Variants in MYCBP2 observed in about 807,000 individuals in gnomAD.
MYCBP2 encodes the protein E3 ubiquitin-protein ligase MYCBP2.
MYCBP2 carries 120 observed loss-of-function variants against 525.3 expected under a neutral mutation model. That is an observed-to-expected ratio of 0.23 (90% CI 0.20 to 0.27). The LOEUF is 0.27. MYCBP2 is among the 10% of genes least tolerant of loss of function. The pLI, the probability that MYCBP2 is intolerant of heterozygous loss-of-function variation, is 1.00. For missense variants in MYCBP2, 4,149 were observed against 5,657.1 expected, an observed-to-expected ratio of 0.73 and a Z score of 8.55; for synonymous variants, 1,894 against 1,955.8, an observed-to-expected ratio of 0.97 and a Z score of 0.83.
chr13:77,211,327 A>G lies in MYCBP2; in HGVS notation c.3263-7T>C, dbSNP rs767649143. 5.9e-6 allele frequency: 8 copies of G among 1,350,864 alleles called. No individual in the cohort carries two copies. In the Admixed American group the frequency reaches 2.0e-4, roughly 33 times the overall value. 83.7% of individuals were successfully genotyped at this position (1,350,864 alleles called of 1,614,324 possible). Reference sequence around the variant, plus strand: ...ATAGAAGCAGGTACCAAGCCTTAAGAAAAAAATATTTATATATAATTTTAA... The same window carrying G: ...ATAGAAGCAGGTACCAAGCCTTAAGGAAAAAATATTTATATATAATTTTAA... On this transcript the variant is annotated splice_region_variant and splice_polypyrimidine_tract_variant and intron_variant, in intron 22 of 82. Transcript: ENST00000544440.
intron 55 of MYCBP2, among the ~76,000 whole-genome samples, chr13:77,114,365 T>C (rs760512271): frequency 6.6e-6 from 1 of 152,044 alleles, no homozygotes; most frequent in Non-Finnish European, 1.5e-5. Context: ...AAAGATAACA[T>C]TTATTGGGAA....
chr13:77,155,962 G>C, intron 46 of MYCBP2, 96 bp downstream of exon 46: 1 of 1,201,518 alleles, frequency 8.3e-7, no homozygotes, highest in Non-Finnish European at 1.2e-6. Flanking sequence ...AAAGAGGGTA[G>C]AACAAATGGA....
chr13:77,194,091 T>G (rs1314432513), intron 27 of MYCBP2, 62 bp downstream of exon 27: 1 of 1,044,172 alleles, frequency 9.6e-7, no homozygotes, highest in Non-Finnish European at 1.4e-6. Context: ...TTTATTCATT[T>G]ATAATAAATT....
Position 77,206,695 on chromosome 13 carries a change from T to G in MYCBP2, c.3547A>C (p.Arg1183=). The G allele has an allele frequency of 6.2e-7, 1 of 1,610,076 alleles. No individual in the cohort carries two copies. Among genetic ancestry groups the G allele is most frequent in the Non-Finnish European group, 8.5e-7 (1 of 1,177,928 alleles). The part of the protein sequence containing the change: ...SPELALPTGS[R]ALTTRSHAAL... ...GCATGAGATCGGGTAGTGAGGGCCC[T>G]TGATCCTGTTGGTAAGGCAAGTTCA... Residue 1183 remains arginine, a synonymous_variant, in exon 24 of 83, where the codon AGG becomes CGG. Coordinates refer to ENST00000544440, the MANE Select transcript of MYCBP2 (RefSeq NM_015057.5).
chr13:77,051,107 G>C lies in MYCBP2; in HGVS notation c.13811C>G (p.Ser4604Ter). ...FLEYKCRYCC[S>*]VAVFFCFGTT... ...TCCAAAACAGAAAAAAACAGCCACTGAACAGCAGTAGCGACATTTATATTC... is the reference window on the plus strand; with the variant it reads ...TCCAAAACAGAAAAAAACAGCCACTCAACAGCAGTAGCGACATTTATATTC... Residue 4604 changes from serine (S) to a stop codon, truncating the protein, a stop_gained, in exon 82 of 83, where the codon TCA becomes TGA. Transcript: ENST00000544440. LOFTEE classifies it high-confidence loss of function. 1 of 1,613,390 alleles carries C rather than the reference G, an allele frequency of 6.2e-7. No homozygotes were observed. Among genetic ancestry groups the C allele is most frequent in the East Asian group, 2.2e-5 (1 of 44,848 alleles).
intron 13 of MYCBP2, among the ~76,000 whole-genome samples, chr13:77,258,665 A>C (rs890336067): frequency 2.6e-5 from 4 of 152,124 alleles, no homozygotes; most frequent in African/African-American, 9.7e-5. Flanking sequence ...ATACCTCAAA[A>C]ATTTCCACTT....
At chr13:77,217,233 C>G (rs2064948614) in intron 21 of MYCBP2, among the ~76,000 whole-genome samples, 2 of 152,266 alleles carry the variant, frequency 1.3e-5, no homozygotes, top group South Asian at 4.1e-4. Context: ...TTATCCACAT[C>G]TGAAATGGTA....
In MYCBP2 at chr13:77,327,039, GCCGCCACCACCGCTACCA is replaced by G. The variant is rs953324205; in HGVS notation, c.-282_-265del. ...AGGAGGAGGCGGTGCCGCCACTGCC[GCCGCCACCACCGCTACCA>G]CCGCCACCACCGCCGGGGCTACCCG... On this transcript the variant is annotated 5_prime_UTR_variant, in exon 1 of 83. Transcript: ENST00000544440. 12 of 437,732 alleles carry G rather than the reference GCCGCCACCACCGCTACCA, an allele frequency of 2.7e-5. No homozygotes were observed. Among genetic ancestry groups the G allele is most frequent in the Admixed American group, 8.8e-5 (2 of 22,848 alleles). 27.1% of individuals were successfully genotyped at this position (437,732 alleles called of 1,614,324 possible). A position where few individuals can be genotyped will look rare whatever the true frequency, so the allele number is the denominator to read the frequency against.
At position 77,326,063 on chromosome 13, in the gene MYCBP2, G is replaced by A. The variant is rs2082252373; in HGVS notation, c.302+411C>T. On this transcript the variant is annotated intron_variant, in intron 1 of 82. Coordinates refer to ENST00000544440, the MANE Select transcript of MYCBP2 (RefSeq NM_015057.5). The surrounding 1 kb of genome is among the most constrained non-coding windows in gnomAD (Gnocchi z 4.2). ...ACATTGCGGCAGAGACACTGAAAAC[G>A]CCACTTCCCTTGCCACTGTTGCAAT... Among the ~76,000 whole-genome samples the A allele has an allele frequency of 6.6e-6, 1 of 151,966 alleles. No homozygotes were observed. The highest frequency in any genetic ancestry group is 2.4e-5 in the African/African-American group (1 of 41,356).
At chr13:77,064,174 G>A (rs899914794) in intron 73 of MYCBP2, among the ~76,000 whole-genome samples, 1 of 152,194 alleles carries the variant, frequency 6.6e-6, no homozygotes, top group African/African-American at 2.4e-5. Context: ...CTTTTTAGAA[G>A]TAAGACCTAT....
intron 18 of MYCBP2, among the ~76,000 whole-genome samples, chr13:77,228,455 C>T (rs542337689): frequency 1.3e-5 from 2 of 150,278 alleles, no homozygotes; most frequent in African/African-American, 2.5e-5. Flanking sequence ...TGCAGTGAGC[C>T]GTGATCATGC....
intron 48 of MYCBP2, among the ~76,000 whole-genome samples, chr13:77,145,621 G>A (rs191449508): frequency 1.3e-5 from 2 of 152,026 alleles, no homozygotes; most frequent in East Asian, 3.9e-4. Context: ...ATTCTATGGA[G>A]GTGATCTCTC....
intron 58 of MYCBP2, among the ~76,000 whole-genome samples, chr13:77,094,095 A>T (rs1042149123): frequency 1.3e-5 from 2 of 152,114 alleles, no homozygotes; most frequent in Non-Finnish European, 2.9e-5. Flanking sequence ...TGATATTTTC[A>T]TTTTTGTTGC....
intron 66 of MYCBP2, 142 bp from the exon 67 acceptor site, chr13:77,077,529 T>G: frequency 1.0e-6 from 1 of 987,284 alleles, no homozygotes; most frequent in Non-Finnish European, 1.5e-6. Context: ...ACACTGATTT[T>G]CTTATTTCAA....
At chr13:77,060,556 G>A (rs1375696634) in intron 76 of MYCBP2, among the ~76,000 whole-genome samples, 1 of 152,122 alleles carries the variant, frequency 6.6e-6, no homozygotes, top group African/African-American at 2.4e-5. Flanking sequence ...TTTGAACTAG[G>A]AATATACAAG....
chr13:77,261,082 A>T (rs2073187895), intron 12 of MYCBP2, 89 bp downstream of exon 12: 1 of 1,036,222 alleles, frequency 9.7e-7, no homozygotes, highest in Non-Finnish European at 1.4e-6. Context: ...GTGTTATTGA[A>T]ATTCATAAAC....
intron 55 of MYCBP2, among the ~76,000 whole-genome samples, chr13:77,117,431 C>T (rs895924369): frequency 6.6e-6 from 1 of 152,166 alleles, no homozygotes. Flanking sequence ...ATATCATTTG[C>T]TAGCTACATA....
In MYCBP2 at chr13:77,326,828, G is replaced by A; in HGVS notation, c.-53C>T. On this transcript the variant is annotated 5_prime_UTR_variant, in exon 1 of 83. Coordinates refer to ENST00000544440, the MANE Select transcript of MYCBP2 (RefSeq NM_015057.5). This position sits in a 1 kb window ranked among gnomAD's most constrained non-coding sequence, Gnocchi z 4.2. ...CTCGTCCCCGCGGGCCGGGCGGGCAGACACGCGCGCGCACACACAGCCCTT... is the reference window on the plus strand; with the variant it reads ...CTCGTCCCCGCGGGCCGGGCGGGCAAACACGCGCGCGCACACACAGCCCTT... 1 of 1,374,328 alleles carries A rather than the reference G, an allele frequency of 7.3e-7. No homozygotes were observed. The highest frequency in any genetic ancestry group is 1.8e-5 in the South Asian group (1 of 57,102). 85.1% of individuals were successfully genotyped at this position (1,374,328 alleles called of 1,614,324 possible). A position where few individuals can be genotyped will look rare whatever the true frequency, so the allele number is the denominator to read the frequency against.
intron 15 of MYCBP2, among the ~76,000 whole-genome samples, chr13:77,247,314 G>C (rs534715376): frequency 1.3e-5 from 2 of 152,126 alleles, no homozygotes; most frequent in Admixed American, 1.3e-4. Flanking sequence ...CACTAACAAT[G>C]AACAATATGA....
Sources: gnomAD v4.1 joint callset for allele counts (sites outside exome capture counted in the v4.1 genomes callset) on GRCh38, gnomAD v4.1.1 for gene constraint, Gnocchi (gnomAD v3.1) non-coding constraint, MANE v1.5 for transcripts, NCBI Gene and HGNC (gene_info 2026-07-23, HGNC 2026-07-21) for gene names.